The following LITAF variants were observed in gnomAD, a reference collection of about 807,000 sequenced individuals.
LITAF encodes lipopolysaccharide induced TNF factor, also known as lipopolysaccharide-induced tumor necrosis factor-alpha factor.
In LITAF, 9 loss-of-function variants were observed where a neutral mutation model predicts 14.5. The observed-to-expected ratio is 0.62, with a 90% CI of 0.37 to 1.08. The LOEUF is 1.08. LITAF is among the 50% of genes least tolerant of loss of function. The probability of loss-of-function intolerance (pLI) is 0.01; values close to 1 mark genes in which losing one functional copy is unlikely to be tolerated. For synonymous variants in LITAF, 98 were observed against 88.2 expected (o/e 1.11, Z -0.62); for missense variants, 206 against 213.4 (o/e 0.97, Z 0.22).
At chr16:11,604,979 C>T (rs2064947453) in intron 3 of LITAF, among the ~76,000 whole-genome samples, 1 of 152,128 alleles carries the variant, frequency 6.6e-6, no homozygotes, top group South Asian at 2.1e-4. Flanking sequence ...CATCTGTTCT[C>T]CTGTGTCGGG....
At position 11,632,114 on chromosome 16, in the gene LITAF, G is replaced by A. The variant is rs2065121046; in HGVS notation, c.85+1419C>T. Among the ~76,000 whole-genome samples the A allele has an allele frequency of 6.6e-6, 1 of 150,412 alleles. No homozygotes were observed. The highest frequency in any genetic ancestry group is 6.6e-5 in the Admixed American group (1 of 15,164). On this transcript the variant is annotated intron_variant, in intron 3 of 3. Transcript: ENST00000574848. This position sits in a 1 kb window ranked among gnomAD's most constrained non-coding sequence, Gnocchi z 4.8. ...GATCTCCTGACCTCGTGATCCACCC[G>A]CCTCGGCCTCCCAAAGTGCTGGGAT... is the stretch of plus-strand genomic sequence containing the variant.
chr16:11,616,028 A>C (rs2141885528), intron 3 of LITAF, among the ~76,000 whole-genome samples: 1 of 152,270 alleles, frequency 6.6e-6, no homozygotes. Context: ...GAACCACTAG[A>C]TAGGTTTCTG....
chr16:11,604,432 GAATT>G (rs1016936666), intron 3 of LITAF, among the ~76,000 whole-genome samples: 1 of 152,130 alleles, frequency 6.6e-6, no homozygotes, highest in Non-Finnish European at 1.5e-5. Flanking sequence ...ATAGCAAAGG[GAATT>G]TATTTGCTCA....
intron 3 of LITAF, among the ~76,000 whole-genome samples, chr16:11,631,569 T>C (rs1044774947): frequency 6.6e-6 from 1 of 152,234 alleles, no homozygotes; most frequent in African/African-American, 2.4e-5. Flanking sequence ...TTCATATTTT[T>C]GGTAGAGACA....
intron 1 of LITAF, among the ~76,000 whole-genome samples, chr16:11,592,982 A>G (rs2064856997): frequency 6.6e-6 from 1 of 152,116 alleles, no homozygotes; most frequent in Non-Finnish European, 1.5e-5. Flanking sequence ...CATCCTGGCT[A>G]ACAAGGTGAA....
intron 1 of LITAF, among the ~76,000 whole-genome samples, chr16:11,580,927 A>C (rs1199276439): frequency 1.3e-5 from 2 of 151,822 alleles, no homozygotes. Context: ...ACCATGCCAG[A>C]CTAATTTTTG....
At chr16:11,618,568 G>C (rs1001150642) in intron 3 of LITAF, among the ~76,000 whole-genome samples, 1 of 152,224 alleles carries the variant, frequency 6.6e-6, no homozygotes, top group African/African-American at 2.4e-5. Context: ...CGCTGTGTGC[G>C]ATGGGCTAAT....
intron 3 of LITAF, among the ~76,000 whole-genome samples, chr16:11,611,162 A>T (rs2064980245): frequency 6.6e-6 from 1 of 152,022 alleles, no homozygotes; most frequent in African/African-American, 2.4e-5. Context: ...CAGCCTAGGC[A>T]AAAATAGTGA....
rs924994074 is a variant in LITAF, at chr16:11,632,556, C to T, written c.85+977G>A. Among the ~76,000 whole-genome samples, 4 of 152,250 alleles carry T rather than the reference C, an allele frequency of 2.6e-5. No individual in the cohort carries two copies. Among genetic ancestry groups the T allele is most frequent in the African/African-American group, 4.8e-5 (2 of 41,470 alleles). ...GGGCCCAGAGCAGATCACTGCCAGCCGGCCCCTGTGGGCTCTTTGGCCTGC... is the reference window on the plus strand; with the variant it reads ...GGGCCCAGAGCAGATCACTGCCAGCTGGCCCCTGTGGGCTCTTTGGCCTGC... On this transcript the variant is annotated intron_variant, in intron 3 of 3. Coordinates refer to the LITAF transcript ENST00000574848. The surrounding 1 kb of genome is among the most constrained non-coding windows in gnomAD (Gnocchi z 4.8).
At chr16:11,581,431 C>A (rs1014611532) in intron 1 of LITAF, among the ~76,000 whole-genome samples, 5 of 152,162 alleles carry the variant, frequency 3.3e-5, no homozygotes, top group Non-Finnish European at 5.9e-5. Flanking sequence ...TGGATCACTT[C>A]ACTCCAAGAG....
chr16:11,573,109 T>G (rs974218169), intron 1 of LITAF, among the ~76,000 whole-genome samples: 8 of 152,042 alleles, frequency 5.3e-5, no homozygotes, highest in African/African-American at 1.9e-4. Flanking sequence ...TTTGTATTTT[T>G]GGTAGAGATG....
At chr16:11,622,157 T>C (rs1302257669) in intron 3 of LITAF, among the ~76,000 whole-genome samples, 1 of 152,150 alleles carries the variant, frequency 6.6e-6, no homozygotes, top group Non-Finnish European at 1.5e-5. Context: ...CCTGGCAGCC[T>C]GGTGGGGACA....
intron 3 of LITAF, among the ~76,000 whole-genome samples, chr16:11,611,547 A>G (rs570508062): frequency 6.6e-6 from 1 of 152,244 alleles, no homozygotes; most frequent in Non-Finnish European, 1.5e-5. Flanking sequence ...CCCTATAACA[A>G]TACTTTTTAC....
chr16:11,588,542 G>GAAGAAAGAAAGAGA (rs2064829409), upstream of LITAF, among the ~76,000 whole-genome samples: 1 of 73,996 alleles, frequency 1.4e-5, no homozygotes, highest in African/African-American at 3.8e-5. Flanking sequence ...GAAAGAAAAA[G>GAAGAAAGAAAGAGA]AAGAAAGAAA....
intron 3 of LITAF, among the ~76,000 whole-genome samples, chr16:11,617,179 G>A (rs369858373): frequency 5.9e-5 from 9 of 151,904 alleles, no homozygotes; most frequent in South Asian, 4.2e-4. Context: ...GAGCTCACAC[G>A]AATACACTTC....
At chr16:11,581,952 G>C (rs1050070214) in intron 1 of LITAF, among the ~76,000 whole-genome samples, 3 of 152,262 alleles carry the variant, frequency 2.0e-5, no homozygotes, top group Non-Finnish European at 2.9e-5. Context: ...GGGAAGAGAG[G>C]CTAGAGAGAG....
In LITAF at chr16:11,612,975, T is replaced by C. The variant is rs577788979; in HGVS notation, c.85+20558A>G. 3.9e-5 allele frequency among the ~76,000 whole-genome samples: 6 copies of C among 152,320 alleles called. No homozygotes were observed. The South Asian group carries it at 6.2e-4, about 16-fold the overall frequency. ...GCACAGCCGATGGCCTGGGTGCCTC[T>C]TGATGGGCAAGGCCAGCCATTCAGG... On this transcript the variant is annotated intron_variant, in intron 3 of 3. Transcript: ENST00000574848.
intron 3 of LITAF, among the ~76,000 whole-genome samples, chr16:11,550,979 T>G (rs2064173533): frequency 6.6e-6 from 1 of 152,108 alleles, no homozygotes. Flanking sequence ...TGATCTCTTT[T>G]CCATATAGAC....
chr16:11,597,358 C>G (rs919607797), intron 1 of LITAF, among the ~76,000 whole-genome samples: 2 of 152,094 alleles, frequency 1.3e-5, no homozygotes, highest in African/African-American at 4.8e-5. Flanking sequence ...TGGGGAGAGG[C>G]TGGGCAGTGG....
Sources: allele counts gnomAD v4.1 joint callset (sites outside exome capture counted in the v4.1 genomes callset), GRCh38; gene constraint gnomAD v4.1.1; non-coding constraint Gnocchi (gnomAD v3.1); transcripts MANE v1.5; gene names NCBI Gene and HGNC (gene_info 2026-07-23, HGNC 2026-07-21).